Variants in HMCN1 observed in about 807,000 individuals in gnomAD.
HMCN1 encodes the protein hemicentin-1.
In HMCN1, 321 loss-of-function variants were observed where a neutral mutation model predicts 625.9. The ratio of observed to expected loss-of-function variants is 0.51; its 90% CI spans 0.47 to 0.56. HMCN1 has a LOEUF of 0.56. Among genes scored for constraint, HMCN1 ranks in the 20% least tolerant of loss-of-function variants. HMCN1 has a pLI of 0.00. For missense variants in HMCN1, 6,588 were observed against 6,887.3 expected (o/e 0.96, Z 1.54); for synonymous variants, 2,425 against 2,417.6 (o/e 1.00, Z -0.09).
At chr1:186,013,404 C>A (rs1342333362) in intron 30 of HMCN1, among the ~76,000 whole-genome samples, 2 of 152,176 alleles carry the variant, frequency 1.3e-5, no homozygotes, top group Non-Finnish European at 2.9e-5. Flanking sequence ...AAAAATGATT[C>A]TATCGTCGAA....
At chr1:186,152,348 C>A (rs1650726848) in intron 95 of HMCN1, among the ~76,000 whole-genome samples, 1 of 152,138 alleles carries the variant, frequency 6.6e-6, no homozygotes, top group African/African-American at 2.4e-5. Flanking sequence ...GTGGAGAAGA[C>A]AATTGGTTCT....
At chr1:185,911,853 G>T (rs1000939769) in intron 6 of HMCN1, 73 bp downstream of exon 6, 67 of 1,139,304 alleles carry the variant, frequency 5.9e-5, no homozygotes, top group Non-Finnish European at 8.7e-5. Flanking sequence ...ATACACAATG[G>T]TTTTTTTAAA....
intron 11 of HMCN1, among the ~76,000 whole-genome samples, chr1:185,960,843 AT>A (rs976795045): frequency 4.6e-5 from 7 of 152,114 alleles, no homozygotes; most frequent in East Asian, 1.9e-4. Context: ...AGAACTGTTC[AT>A]TTTTTTTCCC....
At chr1:185,830,141 A>T (rs537050302) in intron 1 of HMCN1, among the ~76,000 whole-genome samples, 1 of 151,918 alleles carries the variant, frequency 6.6e-6, no homozygotes, top group South Asian at 2.1e-4. Context: ...TAAATCCTGG[A>T]TATTAGACCT....
chr1:185,778,107 A>G (rs1252746296), intron 1 of HMCN1, among the ~76,000 whole-genome samples: 1 of 152,214 alleles, frequency 6.6e-6, no homozygotes. Flanking sequence ...ATGAACTCCC[A>G]GAATCTTCAC....
rs2102581657 is a variant in HMCN1 at position 186,153,833 on chromosome 1, C to T, written c.15102C>T (p.Ser5034=). The part of the protein sequence containing the change: ...STRLFTIDGI[S]IPYTWNHTVF... ...GGCTGTTCACCATTGATGGCATCAG[C>T]ATCCCATACACATGGAACCACACCG... Residue 5034 remains serine (S), a synonymous_variant, in exon 97 of 107, where the codon AGC becomes AGT. Coordinates refer to ENST00000271588, the MANE Select transcript of HMCN1 (RefSeq NM_031935.3). The T allele has an allele frequency of 6.2e-7, 1 of 1,614,180 alleles. No individual in the cohort carries two copies. The highest frequency in any genetic ancestry group is 2.2e-5 in the East Asian group (1 of 44,882).
Position 186,117,478 on chromosome 1 carries a change from T to G in HMCN1, c.11703T>G (p.Asp3901Glu). The G allele has an allele frequency of 6.2e-7, 1 of 1,613,864 alleles. No homozygotes were observed. Among genetic ancestry groups the G allele is most frequent in the South Asian group, 1.1e-5 (1 of 91,076 alleles). Reference protein sequence around the residue: ...LTVQVPPSIADEPTDFLVTKH... With the variant: ...LTVQVPPSIAEEPTDFLVTKH... ...TTTTAGTTCCACCTTCCATAGCTGA[T>G]GAGCCTACAGATTTCCTAGTAACCA... Residue 3901 changes from aspartate (D) to glutamate (E), a missense_variant, in exon 77 of 107, where the codon GAT becomes GAG. This residue lies in a region of HMCN1 where 4,628 missense variants were observed against 4,853.1 expected (regional missense o/e 0.95). Transcript: ENST00000271588.
chr1:185,791,557 TA>T (rs1474013184), intron 1 of HMCN1, among the ~76,000 whole-genome samples: 1 of 151,862 alleles, frequency 6.6e-6, no homozygotes, highest in Non-Finnish European at 1.5e-5. Flanking sequence ...CTGTCTCTAC[TA>T]AAAATACAAA....
At chr1:185,926,319 T>G (rs1377529492) in intron 9 of HMCN1, among the ~76,000 whole-genome samples, 1 of 152,204 alleles carries the variant, frequency 6.6e-6, no homozygotes, top group Admixed American at 6.5e-5. Flanking sequence ...ATATTCATCA[T>G]AACTAGGACA....
At chr1:186,154,478 C>T (rs1015212944) in intron 97 of HMCN1, among the ~76,000 whole-genome samples, 6 of 152,100 alleles carry the variant, frequency 3.9e-5, no homozygotes, top group Non-Finnish European at 8.8e-5. Context: ...GCCGAGATCA[C>T]GCCACTGCAC....
chr1:186,061,886 G>A lies in HMCN1; in HGVS notation c.7348G>A (p.Glu2450Lys). The change falls in exon 47 of 107, where the codon GAA becomes AAA. Residue 2450 changes from glutamate (E) to lysine (K), a missense_variant. Physicochemically the swap from Glu to Lys is moderately conservative, Grantham distance 56 (BLOSUM62 1). Around this residue, in one of 3 missense-constraint regions of HMCN1, gnomAD observed 4,628 missense variants for 4,853.1 expected, o/e 0.95. Coordinates refer to ENST00000271588, the MANE Select transcript of HMCN1 (RefSeq NM_031935.3). ...RMLRLMQTTM[E>K]DAGQYTCVVR... ...GCTACGGCTGATGCAGACCACAATGGAAGATGCTGGCCAATATACTTGCGT... is the reference window on the plus strand; with the variant it reads ...GCTACGGCTGATGCAGACCACAATGAAAGATGCTGGCCAATATACTTGCGT... 6.2e-7 allele frequency: 1 copy of A among 1,613,144 alleles called. No individual in the cohort carries two copies. Among genetic ancestry groups the A allele is most frequent in the Non-Finnish European group, 8.5e-7 (1 of 1,179,314 alleles).
At chr1:186,013,795 G>A (rs958263098) in intron 30 of HMCN1, among the ~76,000 whole-genome samples, 5 of 152,162 alleles carry the variant, frequency 3.3e-5, no homozygotes, top group Admixed American at 2.6e-4. Flanking sequence ...GATAAGTAAT[G>A]TAGTACTGGA....
chr1:185,825,436 T>C (rs1660459681), intron 1 of HMCN1, among the ~76,000 whole-genome samples: 1 of 152,204 alleles, frequency 6.6e-6, no homozygotes, highest in Non-Finnish European at 1.5e-5. Context: ...CAAGAAAGTA[T>C]GGTAGCAAGT....
intron 97 of HMCN1, among the ~76,000 whole-genome samples, chr1:186,160,284 T>C (rs1651359669): frequency 6.8e-6 from 1 of 147,444 alleles, no homozygotes; most frequent in Non-Finnish European, 1.5e-5. Context: ...TATCATTTTT[T>C]ATTGCGTCTA....
intron 30 of HMCN1, among the ~76,000 whole-genome samples, chr1:186,007,699 C>T (rs189979807): frequency 3.1e-4 from 47 of 152,248 alleles, no homozygotes; most frequent in Admixed American, 7.2e-4. Context: ...GTTATCCTGA[C>T]CATGTGATTA....
At chr1:185,900,838 T>C (rs1437927645) in intron 4 of HMCN1, among the ~76,000 whole-genome samples, 1 of 151,876 alleles carries the variant, frequency 6.6e-6, no homozygotes, top group Non-Finnish European at 1.5e-5. Context: ...TTCCTTTTAT[T>C]GTCCGAAGGG....
rs12034495 is a variant in HMCN1 at position 186,166,795 on chromosome 1, C to T, written c.15440-13C>T. ...TTCAGCTCACCTCAGTTGAATGATT[C>T]CCTCTGTTGCAGATATTGATGAGTG... On this transcript the variant is annotated splice_polypyrimidine_tract_variant and intron_variant, in intron 99 of 106. Transcript: ENST00000271588. 2,326 of 1,614,086 alleles carry T rather than the reference C, an allele frequency of 1.4e-3. 61 individuals are homozygous for T. In the East Asian group the frequency reaches 0.048, roughly 33 times the overall value.
intron 11 of HMCN1, among the ~76,000 whole-genome samples, chr1:185,955,097 C>G (rs976146506): frequency 2.0e-5 from 3 of 152,130 alleles, no homozygotes; most frequent in African/African-American, 7.2e-5. Flanking sequence ...GCCACTGACA[C>G]CATGCTCATC....
intron 52 of HMCN1, among the ~76,000 whole-genome samples, chr1:186,072,778 G>A (rs978321702): frequency 6.6e-6 from 1 of 152,184 alleles, no homozygotes; most frequent in African/African-American, 2.4e-5. Flanking sequence ...TGACAGATGG[G>A]AACAGAAAAT....
Sources: gnomAD v4.1 joint callset for allele counts (sites outside exome capture counted in the v4.1 genomes callset) on GRCh38, gnomAD v4.1.1 for gene constraint, gnomAD v4.1.1 regional missense constraint, MANE v1.5 for transcripts, NCBI Gene and HGNC (gene_info 2026-07-23, HGNC 2026-07-21) for gene names.